KLF12: variants seen among roughly 807,000 people sequenced by gnomAD.
The protein encoded by KLF12 is KLF transcription factor 12, also known as Krueppel-like factor 12.
Under a neutral mutation model 37.8 loss-of-function variants are expected in KLF12, and 9 were observed. That is an observed-to-expected ratio of 0.24 (90% CI 0.14 to 0.42). KLF12 has a LOEUF of 0.42. KLF12 is among the 10% of genes least tolerant of loss of function. The pLI is 1.00. For synonymous variants in KLF12, 208 were observed against 202.1 expected, an observed-to-expected ratio of 1.03 and a Z score of -0.25; for missense variants, 411 against 516.0, an observed-to-expected ratio of 0.80 and a Z score of 1.97.
the KLF12 span, among the ~76,000 whole-genome samples, chr13:74,188,246 A>G: frequency 6.6e-6 from 1 of 152,318 alleles, no homozygotes; most frequent in East Asian, 1.9e-4. Flanking sequence ...GTAAGCTAAT[A>G]AATATTTATC....
intron 3 of KLF12, among the ~76,000 whole-genome samples, chr13:73,924,963 T>G (rs1889304721): frequency 6.6e-6 from 1 of 152,188 alleles, no homozygotes; most frequent in South Asian, 2.1e-4. Context: ...TCCAACTTTC[T>G]TCCATTCTAT....
chr13:73,790,794 A>T (rs920371766), intron 5 of KLF12, among the ~76,000 whole-genome samples: 2 of 152,206 alleles, frequency 1.3e-5, no homozygotes, highest in Admixed American at 1.3e-4. Flanking sequence ...CATGTTGCAG[A>T]TGTAGGTACT....
intron 3 of KLF12, among the ~76,000 whole-genome samples, chr13:73,918,055 C>G (rs1396838686): frequency 6.7e-6 from 1 of 149,084 alleles, no homozygotes; most frequent in Non-Finnish European, 1.5e-5. Context: ...CACATATATA[C>G]AAACAAATAT....
Position 73,690,636 on chromosome 13 carries a change from C to CT in KLF12, c.*4853dup, listed in dbSNP as rs1432080007. The CT allele has an allele frequency of 5.3e-5, 8 of 152,266 alleles. No individual in the cohort carries two copies. The highest frequency in any genetic ancestry group is 1.9e-4 in the African/African-American group (8 of 41,544). The allele number at this position is 152,266 out of a possible 1,614,324, so 9.4% of individuals were successfully genotyped here. A position where few individuals can be genotyped will look rare whatever the true frequency, so the allele number is the denominator to read the frequency against. On this transcript the variant is annotated 3_prime_UTR_variant, in exon 8 of 8. Coordinates refer to ENST00000377669, the MANE Select transcript of KLF12 (RefSeq NM_007249.5). ...TTTTGAACAGAACACGAAGAGCATG[C>CT]TCTGACAAAGTTGGACAGAGTTCCC...
At chr13:74,227,549 C>T in the KLF12 span, among the ~76,000 whole-genome samples, 1 of 152,036 alleles carries the variant, frequency 6.6e-6, no homozygotes, top group Non-Finnish European at 1.5e-5. Flanking sequence ...GATTCCTTGG[C>T]CAAAGTTTTT....
chr13:74,102,477 C>T (rs578034743), intron 1 of KLF12, among the ~76,000 whole-genome samples: 218 of 151,976 alleles, frequency 1.4e-3, no homozygotes, highest in Middle Eastern at 6.8e-3. Context: ...GCGAGCGGAT[C>T]ACCTGAGGGT....
intron 3 of KLF12, among the ~76,000 whole-genome samples, chr13:73,870,543 ATG>A (rs538695287): frequency 2.2e-3 from 330 of 152,314 alleles, no homozygotes; most frequent in South Asian, 9.5e-3. Flanking sequence ...ACGGATGTGC[ATG>A]TGTGTGTGTT....
intron 3 of KLF12, among the ~76,000 whole-genome samples, chr13:73,877,037 G>T (rs1049015534): frequency 6.6e-6 from 1 of 151,298 alleles, no homozygotes; most frequent in Non-Finnish European, 1.5e-5. Flanking sequence ...GAAAAGAAAA[G>T]AAATACTTTT....
chr13:73,941,575 C>G (rs1208333193), intron 3 of KLF12, among the ~76,000 whole-genome samples: 2 of 152,094 alleles, frequency 1.3e-5, no homozygotes, highest in Non-Finnish European at 2.9e-5. Context: ...TTCTAAGATT[C>G]TGAACATTAT....
At chr13:74,020,100 GTCTCATAT>G in intron 1 of KLF12, among the ~76,000 whole-genome samples, 2 of 152,170 alleles carry the variant, frequency 1.3e-5, no homozygotes, top group Non-Finnish European at 2.9e-5. Flanking sequence ...GACTTTACAT[GTCTCATAT>G]TTATATTCAC....
chr13:73,902,772 G>A (rs1888096125), intron 3 of KLF12, among the ~76,000 whole-genome samples: 1 of 152,140 alleles, frequency 6.6e-6, no homozygotes, highest in African/African-American at 2.4e-5. Flanking sequence ...CACTTTCAAT[G>A]AGGTAACTCA....
chr13:74,078,404 C>G (rs1480778022), intron 1 of KLF12, among the ~76,000 whole-genome samples: 1 of 152,154 alleles, frequency 6.6e-6, no homozygotes, highest in African/African-American at 2.4e-5. Flanking sequence ...CATCTAGAAA[C>G]AGAAGACACG....
the KLF12 span, among the ~76,000 whole-genome samples, chr13:74,249,000 G>A: frequency 6.6e-6 from 1 of 152,220 alleles, no homozygotes; most frequent in East Asian, 1.9e-4. Context: ...TTCTAGAGGA[G>A]TGAATTGGAA....
At chr13:73,807,026 G>A (rs922655144) in intron 5 of KLF12, among the ~76,000 whole-genome samples, 2 of 152,090 alleles carry the variant, frequency 1.3e-5, no homozygotes, top group Non-Finnish European at 2.9e-5. Context: ...AAGAATTATG[G>A]CCGGGCACGG....
chr13:74,109,347 AC>A (rs1226151089), intron 1 of KLF12, among the ~76,000 whole-genome samples: 4 of 152,030 alleles, frequency 2.6e-5, no homozygotes, highest in Non-Finnish European at 5.9e-5. Context: ...TGGATCAATC[AC>A]TGCAAAACAG....
chr13:73,910,761 G>A (rs1181098924), intron 3 of KLF12, among the ~76,000 whole-genome samples: 1 of 152,128 alleles, frequency 6.6e-6, no homozygotes, highest in East Asian at 1.9e-4. Context: ...GAAATTTAAT[G>A]CCCAATGTGG....
intron 1 of KLF12, among the ~76,000 whole-genome samples, chr13:74,116,544 A>T (rs1447156909): frequency 6.6e-6 from 1 of 152,218 alleles, no homozygotes; most frequent in Non-Finnish European, 1.5e-5. Flanking sequence ...CACATCATGA[A>T]CATTCACTGA....
At chr13:74,103,582 C>T (rs993524841) in intron 1 of KLF12, among the ~76,000 whole-genome samples, 8 of 152,242 alleles carry the variant, frequency 5.3e-5, no homozygotes, top group African/African-American at 1.7e-4. Context: ...TCCATATCTT[C>T]GGTTGGAGCT....
upstream of KLF12, among the ~76,000 whole-genome samples, chr13:74,138,218 G>A (rs1192541407): frequency 1.3e-5 from 2 of 152,204 alleles, no homozygotes; most frequent in Non-Finnish European, 2.9e-5. Flanking sequence ...GAATAGGGTA[G>A]GAATGAAGTC....
Sources: allele counts gnomAD v4.1 joint callset (sites outside exome capture counted in the v4.1 genomes callset), GRCh38; gene constraint gnomAD v4.1.1; transcripts MANE v1.5; gene names NCBI Gene and HGNC (gene_info 2026-07-23, HGNC 2026-07-21).